Variants in SBSPON observed in about 807,000 individuals in gnomAD.
SBSPON encodes somatomedin-B and thrombospondin type-1 domain-containing protein.
A neutral mutation model predicts 35.8 loss-of-function variants in SBSPON; 30 were observed. The ratio of observed to expected loss-of-function variants is 0.84; its 90% CI spans 0.63 to 1.14. The LOEUF is 1.14. Among genes scored for constraint, SBSPON ranks in the 50% most tolerant of loss-of-function variants. The probability of loss-of-function intolerance (pLI) is 0.00; values close to 1 mark genes in which losing one functional copy is unlikely to be tolerated. For missense variants in SBSPON, 364 were observed against 357.7 expected, an observed-to-expected ratio of 1.02 and a Z score of -0.14; for synonymous variants, 136 against 135.9, an observed-to-expected ratio of 1.00 and a Z score of 0.00.
At chr8:73,079,383 G>A (rs191219361) in intron 2 of SBSPON, among the ~76,000 whole-genome samples, 2 of 152,162 alleles carry the variant, frequency 1.3e-5, no homozygotes, top group Admixed American at 6.5e-5. Context: ...ATGCTGTGAG[G>A]ACGTCCTCTC....
At chr8:73,068,303 A>G (rs888752505) in intron 4 of SBSPON, among the ~76,000 whole-genome samples, 3 of 152,140 alleles carry the variant, frequency 2.0e-5, no homozygotes, top group Non-Finnish European at 4.4e-5. Context: ...TACCCACTTT[A>G]TTGTTCTTAT....
At chr8:73,075,072 G>T (rs1810566771) in intron 2 of SBSPON, among the ~76,000 whole-genome samples, 1 of 152,200 alleles carries the variant, frequency 6.6e-6, no homozygotes, top group African/African-American at 2.4e-5. Context: ...TAGAGATGGG[G>T]TCTCACTCTG....
At chr8:73,078,233 G>A (rs775002890) in intron 2 of SBSPON, among the ~76,000 whole-genome samples, 10 of 152,166 alleles carry the variant, frequency 6.6e-5, no homozygotes, top group African/African-American at 1.2e-4. Context: ...AGGACCACCC[G>A]TTAGGAATCA....
chr8:73,091,301 T>A (rs1387708605), intron 1 of SBSPON, among the ~76,000 whole-genome samples: 11 of 152,246 alleles, frequency 7.2e-5, no homozygotes, highest in Admixed American at 7.2e-4. Context: ...TTGGGTCTTT[T>A]AAGTGCTTCC....
At chr8:73,085,254 CCAA>C in intron 1 of SBSPON, among the ~76,000 whole-genome samples, 1 of 152,222 alleles carries the variant, frequency 6.6e-6, no homozygotes, top group South Asian at 2.1e-4. Flanking sequence ...TCAGGTAGGT[CCAA>C]GCTTCTCCTG....
Position 73,067,390 on chromosome 8 carries a change from C to G in SBSPON, c.746G>C (p.Arg249Pro). ...AGCTGGACAAGAACACTGGTCTACT[C>G]GCCGAACTTTTTTCCAAGTTCCTTG... The part of the protein sequence containing the change: ...RCQGTWKKVR[R>P]VDQCSCPAVH... Residue 249 changes from arginine to proline, a missense_variant, in exon 5 of 5, where the codon CGA (arginine) becomes CCA (proline). Physicochemically the swap from Arg to Pro is moderately radical, Grantham distance 103. Coordinates refer to ENST00000297354, the MANE Select transcript of SBSPON (RefSeq NM_153225.4). The G allele has an allele frequency of 1.2e-6, 2 of 1,611,896 alleles. No individual in the cohort carries two copies. Among genetic ancestry groups the G allele is most frequent in the Non-Finnish European group, 1.7e-6 (2 of 1,178,618 alleles).
At position 73,093,019 on chromosome 8, in the gene SBSPON, C is replaced by G; in HGVS notation, c.49G>C (p.Gly17Arg). The G allele has an allele frequency of 7.1e-7, 1 of 1,408,936 alleles. No individual in the cohort carries two copies. Among genetic ancestry groups the G allele is most frequent in the Non-Finnish European group, 9.2e-7 (1 of 1,088,604 alleles). The allele number at this position is 1,408,936 out of a possible 1,614,324, so 87.3% of individuals were successfully genotyped here. The change falls in exon 1 of 5, where the codon GGG becomes CGG. Residue 17 changes from glycine to arginine, a missense_variant. By Grantham distance (125) the Gly-to-Arg change is moderately radical. Coordinates refer to ENST00000297354, the MANE Select transcript of SBSPON (RefSeq NM_153225.4). ...ALCALSRLWP[G>R]AQAGCAEAGR... ...GCCTCGGCGCAGCCGGCCTGGGCCC[C>G]GGGCCACAGCCGCGACAGCGCGCAC...
At chr8:73,074,914 T>A (rs1054598736) in intron 2 of SBSPON, among the ~76,000 whole-genome samples, 1 of 152,222 alleles carries the variant, frequency 6.6e-6, no homozygotes. Context: ...AAGGGTGTTA[T>A]ACCAATTTCA....
intron 1 of SBSPON, among the ~76,000 whole-genome samples, chr8:73,086,093 C>T (rs1233415840): frequency 6.6e-6 from 1 of 152,096 alleles, no homozygotes. Flanking sequence ...ATAAAACAGC[C>T]CTATTATCCC....
In SBSPON at chr8:73,092,862, G is replaced by A; in HGVS notation, c.206C>T (p.Ala69Val). 2.5e-6 allele frequency: 4 copies of A among 1,610,348 alleles called. No individual in the cohort carries two copies. Among genetic ancestry groups the A allele is most frequent in the Non-Finnish European group, 3.4e-6 (4 of 1,178,704 alleles). ...TCGGCCTGACCACCCACCTGGGCAC[G>A]CCCTGTCGTAGTCGAAGCAGCAGTC... ...TGDCCFDYDR[A>V]CPARPCFVGE... Residue 69 changes from alanine to valine, a missense_variant, in exon 1 of 5, where the codon GCG becomes GTG. Physicochemically the swap from Ala to Val is moderately conservative, Grantham distance 64 (BLOSUM62 0). Transcript: ENST00000297354.
At chr8:73,092,802 C>G in intron 1 of SBSPON, 52 bp downstream of exon 1, 1 of 1,447,070 alleles carries the variant, frequency 6.9e-7, no homozygotes, top group East Asian at 2.3e-5. Context: ...TGCCCTGTGC[C>G]CGTTGGTTGC....
At chr8:73,092,795 C>G (rs1810960307) in intron 1 of SBSPON, 59 bp downstream of exon 1, 29 of 1,364,086 alleles carry the variant, frequency 2.1e-5, no homozygotes, top group Non-Finnish European at 3.0e-5. Flanking sequence ...AGCGCCCTGC[C>G]CTGTGCCCGT....
In SBSPON at chr8:73,071,778, A is replaced by G. The variant is rs769685630; in HGVS notation, c.500+2T>C. 1.9e-5 allele frequency: 29 copies of G among 1,566,480 alleles called. No individual in the cohort carries two copies. Among genetic ancestry groups the G allele is most frequent in the Middle Eastern group, 1.7e-4 (1 of 5,918 alleles). On this transcript the variant is annotated splice_donor_variant, in intron 3 of 4. Coordinates refer to ENST00000297354, the MANE Select transcript of SBSPON (RefSeq NM_153225.4). LOFTEE classifies it high-confidence loss of function. ...TAAAAAAAAAAAAAAACACGAAATT[A>G]CCCAGCATCCTCTGTGTGTGTAGAC...
intron 2 of SBSPON, among the ~76,000 whole-genome samples, chr8:73,080,493 T>C (rs1351309501): frequency 1.3e-5 from 2 of 152,122 alleles, no homozygotes; most frequent in Non-Finnish European, 2.9e-5. Flanking sequence ...CCAGCCTGGG[T>C]GACAGAGCGA....
intron 2 of SBSPON, chr8:73,075,715 G>A: frequency 1.4e-6 from 1 of 726,532 alleles, no homozygotes; most frequent in Non-Finnish European, 1.7e-6. Flanking sequence ...ACAATGGGGT[G>A]TCACAAAAGC....
intron 1 of SBSPON, among the ~76,000 whole-genome samples, chr8:73,086,166 C>CT (rs932354888): frequency 1.2e-3 from 179 of 146,442 alleles, no homozygotes; most frequent in Middle Eastern, 3.5e-3. Flanking sequence ...TCTCCCTTTT[C>CT]TTTTTTTTTT....
At chr8:73,087,549 A>G (rs1810855627) in intron 1 of SBSPON, among the ~76,000 whole-genome samples, 1 of 152,162 alleles carries the variant, frequency 6.6e-6, no homozygotes, top group African/African-American at 2.4e-5. Context: ...GCCAAAGGCG[A>G]TGTCTCTCAG....
intron 2 of SBSPON, among the ~76,000 whole-genome samples, chr8:73,079,964 A>T (rs1039225571): frequency 6.6e-6 from 1 of 152,186 alleles, no homozygotes. Flanking sequence ...GTTGACATGA[A>T]ATTTCCACGT....
At chr8:73,075,116 CCTT>C (rs1202260680) in intron 2 of SBSPON, among the ~76,000 whole-genome samples, 1 of 152,178 alleles carries the variant, frequency 6.6e-6, no homozygotes, top group African/African-American at 2.4e-5. Context: ...CCCAAGCAAT[CCTT>C]CTGCCTTGGC....
Sources: allele counts gnomAD v4.1 joint callset (sites outside exome capture counted in the v4.1 genomes callset), GRCh38; gene constraint gnomAD v4.1.1; transcripts MANE v1.5; gene names NCBI Gene and HGNC (gene_info 2026-07-23, HGNC 2026-07-21).